The following DNAAF5 variants were observed in gnomAD, a reference collection of about 807,000 sequenced individuals.
DNAAF5 encodes the protein dynein axonemal assembly factor 5.
Under a neutral mutation model 75.8 loss-of-function variants are expected in DNAAF5, and 64 were observed. The ratio of observed to expected loss-of-function variants is 0.84; its 90% CI spans 0.69 to 1.04. The LOEUF (loss-of-function observed/expected upper bound fraction) is 1.04, where lower values mean the gene tolerates loss of function less well. Among genes scored for constraint, DNAAF5 ranks in the 50% least tolerant of loss-of-function variants. DNAAF5 has a pLI of 0.00. For synonymous variants in DNAAF5, 657 were observed against 557.2 expected (o/e 1.18, Z -2.52); for missense variants, 1,269 against 1,178.5 (o/e 1.08, Z -1.12).
chr7:753,977 G>A (rs1471754221), intron 4 of DNAAF5, among the ~76,000 whole-genome samples: 2 of 131,394 alleles, frequency 1.5e-5, no homozygotes, highest in Admixed American at 8.1e-5. Flanking sequence ...ATCATATGGC[G>A]ATGGCTTCGC....
At chr7:761,158 GCA>G (rs1416777007) in intron 6 of DNAAF5, among the ~76,000 whole-genome samples, 3 of 152,228 alleles carry the variant, frequency 2.0e-5, no homozygotes, top group African/African-American at 4.8e-5. Flanking sequence ...CACAAAATAA[GCA>G]CAGATTCCTT....
At chr7:753,248 A>G (rs1782364346) in intron 4 of DNAAF5, among the ~76,000 whole-genome samples, 1 of 152,206 alleles carries the variant, frequency 6.6e-6, no homozygotes, top group South Asian at 2.1e-4. Context: ...TTCTCCACAG[A>G]GGAGCGGGCA....
intron 4 of DNAAF5, among the ~76,000 whole-genome samples, chr7:753,353 G>A (rs554005292): frequency 6.4e-4 from 98 of 152,352 alleles, no homozygotes; most frequent in Non-Finnish European, 1.2e-3. Context: ...TGAAAGAAGC[G>A]GAGAAGGGAG....
At chr7:759,528 C>A (rs1336921082) in intron 6 of DNAAF5, among the ~76,000 whole-genome samples, 1 of 152,160 alleles carries the variant, frequency 6.6e-6, no homozygotes, top group Non-Finnish European at 1.5e-5. Context: ...GAATTAAAAA[C>A]CTTTGCAGTC....
At chr7:745,472 A>C (rs1051591764) in intron 4 of DNAAF5, among the ~76,000 whole-genome samples, 2 of 151,920 alleles carry the variant, frequency 1.3e-5, no homozygotes, top group African/African-American at 4.8e-5. Flanking sequence ...GTACACACAC[A>C]CCTGTGCACA....
At chr7:764,604 G>A (rs1177282381) in intron 8 of DNAAF5, among the ~76,000 whole-genome samples, 5 of 152,170 alleles carry the variant, frequency 3.3e-5, no homozygotes, top group Admixed American at 1.3e-4. Context: ...GAGTGCCCCC[G>A]CCTCCTGTTG....
chr7:766,470 A>C (rs990927607), intron 8 of DNAAF5, among the ~76,000 whole-genome samples: 2 of 152,240 alleles, frequency 1.3e-5, no homozygotes, highest in Admixed American at 1.3e-4. Context: ...GATAATTTCT[A>C]AACTTTGAGA....
At chr7:752,029 G>A (rs1341821503) in intron 4 of DNAAF5, among the ~76,000 whole-genome samples, 1 of 152,212 alleles carries the variant, frequency 6.6e-6, no homozygotes, top group East Asian at 1.9e-4. Flanking sequence ...GGTCCTGGGT[G>A]CAAGACTCAC....
At position 767,745 on chromosome 7, in the gene DNAAF5, TGGGA is replaced by T. The variant is rs1166915392; in HGVS notation, c.1784-2722_1784-2719del. ...CCGTGCTGCGAGGCGGAGCTGGCGC[TGGGA>T]GGGGAGACACGTGATCCGGGCGGAA... On this transcript the variant is annotated intron_variant, in intron 8 of 12. Coordinates refer to ENST00000297440, the MANE Select transcript of DNAAF5 (RefSeq NM_017802.4). Among the ~76,000 whole-genome samples, 4 of 150,658 alleles carry T rather than the reference TGGGA, an allele frequency of 2.7e-5. No individual in the cohort carries two copies. In the East Asian group the frequency reaches 8.0e-4, roughly 30 times the overall value.
intron 4 of DNAAF5, among the ~76,000 whole-genome samples, chr7:741,930 G>T (rs2128073238): frequency 6.6e-6 from 1 of 152,242 alleles, no homozygotes; most frequent in South Asian, 2.1e-4. Flanking sequence ...CTTCTTCATG[G>T]TTCCACATGA....
At chr7:768,403 C>A (rs1435893747) in intron 8 of DNAAF5, 2 of 144,640 alleles carry the variant, frequency 1.4e-5, no homozygotes, top group African/African-American at 5.4e-5. Context: ...AGGGAAGACA[C>A]GTGGTCCGGG....
chr7:775,510 G>A (rs1034829948), intron 11 of DNAAF5, among the ~76,000 whole-genome samples: 26 of 88,122 alleles, frequency 3.0e-4, no homozygotes, highest in African/African-American at 1.4e-3. Flanking sequence ...TTAAAAGTAG[G>A]GGTGTGTGTG....
rs779461495 is a variant in DNAAF5 at position 774,148 on chromosome 7, G to A, written c.2032G>A (p.Val678Met). The part of the protein sequence containing the change: ...RTAAAIRTAA[V>M]SCLWALTSSE... The stretch of plus-strand genomic sequence containing the variant: ...AGCCGCGGCCATCCGCACGGCTGCC[G>A]TGTCCTGCCTCTGGGCGCTCACCAG... The change falls in exon 10 of 13, where the codon GTG becomes ATG. Residue 678 changes from valine (V) to methionine (M), a missense_variant. Physicochemically the swap from Val to Met is conservative, Grantham distance 21 (BLOSUM62 1). Transcript: ENST00000297440. 6.2e-7 allele frequency: 1 copy of A among 1,612,528 alleles called. No individual in the cohort carries two copies. Among genetic ancestry groups the A allele is most frequent in the Non-Finnish European group, 8.5e-7 (1 of 1,179,950 alleles).
intron 1 of DNAAF5, among the ~76,000 whole-genome samples, chr7:728,238 G>T (rs1421651103): frequency 6.6e-6 from 1 of 152,104 alleles, no homozygotes; most frequent in Admixed American, 6.5e-5. Context: ...CCTGCTTCCT[G>T]CTGGCGGGAA....
intron 5 of DNAAF5, among the ~76,000 whole-genome samples, chr7:755,346 G>A (rs1372586865): frequency 5.3e-5 from 8 of 152,258 alleles, no homozygotes; most frequent in South Asian, 2.1e-4. Context: ...GGGTACGCAC[G>A]AGGGAGTCCC....
intron 12 of DNAAF5, among the ~76,000 whole-genome samples, chr7:782,172 C>G (rs1182470877): frequency 6.6e-6 from 1 of 152,184 alleles, no homozygotes; most frequent in Admixed American, 6.5e-5. Context: ...GGCGTGGCCG[C>G]CTCCCGACAC....
intron 12 of DNAAF5, among the ~76,000 whole-genome samples, chr7:783,730 C>T: frequency 6.6e-6 from 1 of 152,198 alleles, no homozygotes; most frequent in Non-Finnish European, 1.5e-5. Flanking sequence ...GCTCCCCACA[C>T]TCCCTGGCAA....
chr7:762,865 C>T (rs925184102), intron 7 of DNAAF5, among the ~76,000 whole-genome samples: 3 of 152,222 alleles, frequency 2.0e-5, no homozygotes, highest in African/African-American at 7.2e-5. Flanking sequence ...CCACCTGCCT[C>T]AGCCTCCCAA....
In DNAAF5 at chr7:727,059, C is replaced by T; in HGVS notation, c.339C>T (p.Ala113=). The change falls in exon 1 of 13, where the codon GCC becomes GCT. Residue 113 remains alanine (A), a synonymous_variant. Coordinates refer to ENST00000297440, the MANE Select transcript of DNAAF5 (RefSeq NM_017802.4). The part of the protein sequence containing the change: ...GLRRAARPRD[A]LPRLLPALAA... Reference sequence around the variant, plus strand: ...GCCGCGCCGCGCGGCCCCGCGATGCCCTGCCGCGCCTGCTGCCCGCGCTCG... The same window carrying T: ...GCCGCGCCGCGCGGCCCCGCGATGCTCTGCCGCGCCTGCTGCCCGCGCTCG... The T allele has an allele frequency of 3.8e-6, 4 of 1,063,528 alleles. No individual in the cohort carries two copies. The highest frequency in any genetic ancestry group is 4.5e-6 in the Non-Finnish European group (4 of 882,696). The allele number at this position is 1,063,528 out of a possible 1,614,324, so 65.9% of individuals were successfully genotyped here. A position where few individuals can be genotyped will look rare whatever the true frequency, so the allele number is the denominator to read the frequency against.
Sources: allele counts gnomAD v4.1 joint callset (sites outside exome capture counted in the v4.1 genomes callset), GRCh38; gene constraint gnomAD v4.1.1; transcripts MANE v1.5; gene names NCBI Gene and HGNC (gene_info 2026-07-23, HGNC 2026-07-21).